ASIC2: variants seen among roughly 807,000 people sequenced by gnomAD.
The protein encoded by ASIC2 is acid-sensing ion channel 2.
In ASIC2, 25 loss-of-function variants were observed where a neutral mutation model predicts 57.3. That is an observed-to-expected ratio of 0.44 (90% CI 0.32 to 0.61). ASIC2 has a LOEUF of 0.61. ASIC2 is among the 20% of genes least tolerant of loss of function. The pLI is 0.06. For synonymous variants in ASIC2, 319 were observed against 307.5 expected (o/e 1.04, Z -0.39); for missense variants, 641 against 738.1 (o/e 0.87, Z 1.52).
intron 1 of ASIC2, among the ~76,000 whole-genome samples, chr17:33,302,953 T>G (rs1497363): frequency 0.85 from 128,862 of 152,196 alleles, 54,612 homozygotes; most frequent in East Asian, 1. Flanking sequence ...TCTCTCTGAT[T>G]CTGGTTTGAA....
chr17:33,551,432 A>G (rs915713557), intron 1 of ASIC2, among the ~76,000 whole-genome samples: 1 of 152,146 alleles, frequency 6.6e-6, no homozygotes, highest in African/African-American at 2.4e-5. Flanking sequence ...GAGAAGTGAC[A>G]CCTTCACAGG....
chr17:33,679,488 G>C (rs1907933969), intron 1 of ASIC2, among the ~76,000 whole-genome samples: 1 of 152,108 alleles, frequency 6.6e-6, no homozygotes, highest in Non-Finnish European at 1.5e-5. Flanking sequence ...CCTTGTACTG[G>C]GCTCTGTGGT....
At position 33,735,709 on chromosome 17, in the gene ASIC2, C is replaced by T. The variant is rs556605338; in HGVS notation, c.555+420269G>A. ...TTCACAAAGTCCTCAACAGCGGCTA[C>T]CCACCTCCATTGAGCACTCCCTGGG... On this transcript the variant is annotated intron_variant, in intron 1 of 9. Transcript: ENST00000359872. 4.6e-5 allele frequency among the ~76,000 whole-genome samples: 7 copies of T among 152,204 alleles called. No homozygotes were observed. In the South Asian group the frequency reaches 1.5e-3, roughly 32 times the overall value.
At chr17:33,142,520 C>T (rs1039931274) in intron 1 of ASIC2, among the ~76,000 whole-genome samples, 3 of 152,210 alleles carry the variant, frequency 2.0e-5, no homozygotes, top group African/African-American at 7.2e-5. Context: ...TCAATGCACA[C>T]CCAGCCAGGG....
At chr17:33,342,639 A>G (rs1024569671) in intron 1 of ASIC2, among the ~76,000 whole-genome samples, 6 of 152,002 alleles carry the variant, frequency 3.9e-5, no homozygotes, top group African/African-American at 1.5e-4. Flanking sequence ...TTAACTCTCA[A>G]TCCAGTCTGC....
chr17:33,174,140 G>A (rs552458322), intron 1 of ASIC2, among the ~76,000 whole-genome samples: 2 of 152,258 alleles, frequency 1.3e-5, no homozygotes, highest in African/African-American at 4.8e-5. Flanking sequence ...AAATCCATGG[G>A]GCCAGGCACG....
chr17:33,242,445 A>G (rs536889235), intron 1 of ASIC2, among the ~76,000 whole-genome samples: 1 of 152,304 alleles, frequency 6.6e-6, no homozygotes, highest in East Asian at 1.9e-4. Flanking sequence ...TTTCCTAGTT[A>G]ATCTTCAATG....
chr17:33,791,736 CTAATAATCAT>C (rs1567716704), intron 1 of ASIC2: 1 of 151,770 alleles, frequency 6.6e-6, no homozygotes, highest in African/African-American at 2.4e-5. Flanking sequence ...AATAATAGTA[CTAATAATCAT>C]TTATTTCTTT....
chr17:33,415,470 T>C (rs1910810259), intron 1 of ASIC2, among the ~76,000 whole-genome samples: 1 of 152,200 alleles, frequency 6.6e-6, no homozygotes, highest in African/African-American at 2.4e-5. Flanking sequence ...TAGTTAATTA[T>C]GTAGAACCCA....
chr17:33,869,733 A>AGAGTGAG (rs1914339641), intron 1 of ASIC2, among the ~76,000 whole-genome samples: 1 of 152,238 alleles, frequency 6.6e-6, no homozygotes, highest in South Asian at 2.1e-4. Context: ...CCTATGGCTA[A>AGAGTGAG]GAGTGAGAAG....
intron 1 of ASIC2, chr17:34,155,871 C>G: frequency 7.6e-7 from 1 of 1,321,802 alleles, no homozygotes; most frequent in Admixed American, 2.5e-5. Flanking sequence ...AGGCACTGCT[C>G]TCTCTCCTGT....
chr17:33,832,385 C>A (rs1034302732), intron 1 of ASIC2, among the ~76,000 whole-genome samples: 1 of 152,208 alleles, frequency 6.6e-6, no homozygotes, highest in African/African-American at 2.4e-5. Flanking sequence ...TAACAGCAGA[C>A]AGGGGATCTC....
chr17:33,291,690 G>A lies in ASIC2; in HGVS notation c.426C>T (p.Arg142=), dbSNP rs1291063864. The part of the protein sequence containing the change: ...AVTVCNNNPL[R]FPRLSKGDLY... Reference sequence around the variant, plus strand: ...GGTCCCCCTTGGAGAGGCGCGGGAAGCGCAGCGGGTTGTTGTTGCACACAG... The same window carrying A: ...GGTCCCCCTTGGAGAGGCGCGGGAAACGCAGCGGGTTGTTGTTGCACACAG... Residue 142 remains arginine, a synonymous_variant, in exon 1 of 10, where the codon CGC becomes CGT. Coordinates refer to ENST00000225823, the MANE Select transcript of ASIC2 (RefSeq NM_183377.2). 1.9e-6 allele frequency: 3 copies of A among 1,613,410 alleles called. No homozygotes were observed. Among genetic ancestry groups the A allele is most frequent in the Non-Finnish European group, 1.7e-6 (2 of 1,179,884 alleles).
intron 1 of ASIC2, among the ~76,000 whole-genome samples, chr17:33,917,507 A>G (rs908407337): frequency 2.0e-5 from 3 of 151,996 alleles, no homozygotes; most frequent in Admixed American, 6.6e-5. Flanking sequence ...TCTCAACACC[A>G]TACCCATTCT....
chr17:33,970,893 G>T (rs958925697), intron 1 of ASIC2, among the ~76,000 whole-genome samples: 12 of 152,090 alleles, frequency 7.9e-5, no homozygotes, highest in African/African-American at 2.7e-4. Flanking sequence ...ACAAACCCAG[G>T]TGTCTGAGTC....
At chr17:34,150,431 G>A (rs1904472669) in intron 1 of ASIC2, among the ~76,000 whole-genome samples, 1 of 152,036 alleles carries the variant, frequency 6.6e-6, no homozygotes. Flanking sequence ...AGTATATGAG[G>A]TAATACATAT....
intron 2 of ASIC2, among the ~76,000 whole-genome samples, chr17:33,089,513 T>C (rs1031584510): frequency 6.6e-6 from 1 of 152,176 alleles, no homozygotes; most frequent in Non-Finnish European, 1.5e-5. Context: ...GATAACGAAT[T>C]TGTGTTGTTT....
At chr17:33,097,184 T>C (rs1412173071) in intron 2 of ASIC2, among the ~76,000 whole-genome samples, 1 of 152,198 alleles carries the variant, frequency 6.6e-6, no homozygotes, top group Non-Finnish European at 1.5e-5. Flanking sequence ...TTTGGGTCCT[T>C]TGGGGCTTTG....
intron 1 of ASIC2, among the ~76,000 whole-genome samples, chr17:34,126,084 G>A (rs987491742): frequency 1.5e-4 from 23 of 152,206 alleles, no homozygotes; most frequent in African/African-American, 5.5e-4. Flanking sequence ...AAGAGCTGGT[G>A]TGTCTCCTCC....
Sources: gnomAD v4.1 joint callset for allele counts (sites outside exome capture counted in the v4.1 genomes callset) on GRCh38, gnomAD v4.1.1 for gene constraint, MANE v1.5 for transcripts, NCBI Gene and HGNC (gene_info 2026-07-23, HGNC 2026-07-21) for gene names.